ABCB7: variants seen among roughly 807,000 people sequenced by gnomAD.
The protein encoded by ABCB7 is iron-sulfur clusters transporter ABCB7, mitochondrial.
ABCB7 carries 7 observed loss-of-function variants against 54.4 expected under a neutral mutation model. The observed-to-expected ratio is 0.13, with a 90% CI of 0.07 to 0.24. The LOEUF (loss-of-function observed/expected upper bound fraction) is 0.24, where lower values mean the gene tolerates loss of function less well. ABCB7 is among the 10% of genes least tolerant of loss of function. The probability of loss-of-function intolerance (pLI) is 1.00; values close to 1 mark genes in which losing one functional copy is unlikely to be tolerated. For missense variants in ABCB7, 356 were observed against 570.4 expected, an observed-to-expected ratio of 0.62 and a Z score of 3.83; for synonymous variants, 218 against 207.1, an observed-to-expected ratio of 1.05 and a Z score of -0.45.
intron 3 of ABCB7, among the ~76,000 whole-genome samples, chrX:75,106,764 G>A (rs1319182473): frequency 1.8e-5 from 2 of 111,594 alleles, no homozygotes; most frequent in Non-Finnish European, 3.8e-5. Flanking sequence ...ACAGATGAGT[G>A]AATAAAGAAT....
At chrX:75,112,680 T>A (rs2081771239) in intron 3 of ABCB7, among the ~76,000 whole-genome samples, 1 of 111,791 alleles carries the variant, frequency 8.9e-6, no homozygotes, top group African/African-American at 3.2e-5. Context: ...TAAATAACTT[T>A]TCTTTTTTAG....
intron 1 of ABCB7, among the ~76,000 whole-genome samples, chrX:75,126,036 C>T (rs748810131): frequency 9.0e-6 from 1 of 111,513 alleles, no homozygotes; most frequent in South Asian, 3.7e-4. Flanking sequence ...CTTGTTTTCA[C>T]AAAATGCCAG....
chrX:75,126,615 C>A (rs2081931437), intron 1 of ABCB7, among the ~76,000 whole-genome samples: 1 of 110,021 alleles, frequency 9.1e-6, no homozygotes, highest in African/African-American at 3.3e-5. Context: ...TCAATGAATC[C>A]AGGAGCTGGA....
intron 1 of ABCB7, among the ~76,000 whole-genome samples, chrX:75,150,488 G>GA (rs770610332): frequency 9.1e-6 from 1 of 109,305 alleles, no homozygotes; most frequent in Non-Finnish European, 1.9e-5. Flanking sequence ...TGAGCACCAA[G>GA]AAAAAAAATG....
At chrX:75,054,316 C>T (rs2081218527) in intron 15 of ABCB7, among the ~76,000 whole-genome samples, 1 of 111,958 alleles carries the variant, frequency 8.9e-6, no homozygotes, top group African/African-American at 3.2e-5. Context: ...GGTTATACCA[C>T]TATTCCTTGA....
intron 5 of ABCB7, among the ~76,000 whole-genome samples, chrX:75,076,191 T>C (rs191763964): frequency 3.6e-5 from 4 of 112,306 alleles, no homozygotes; most frequent in African/African-American, 1.3e-4. Context: ...TCCTATTTAA[T>C]AGCTAACAAT....
Position 75,156,099 on chromosome X carries a change from T to A in ABCB7, c.168+6A>T. On this transcript the variant is annotated splice_donor_region_variant and intron_variant, in intron 1 of 15. Coordinates refer to ENST00000373394, the MANE Select transcript of ABCB7 (RefSeq NM_001271696.3). ...ACCCTATTCTTCCATGTCAGTGGCATCTCACCTGGTAGGCTCGAGCGGTTC... is the reference window on the plus strand; with the variant it reads ...ACCCTATTCTTCCATGTCAGTGGCAACTCACCTGGTAGGCTCGAGCGGTTC... The A allele has an allele frequency of 1.7e-6, 2 of 1,210,303 alleles. No individual in the cohort carries two copies. Among genetic ancestry groups the A allele is most frequent in the East Asian group, 5.9e-5 (2 of 33,784 alleles).
intron 1 of ABCB7, among the ~76,000 whole-genome samples, chrX:75,145,070 G>T (rs1161294321): frequency 9.1e-6 from 1 of 110,366 alleles, no homozygotes. Context: ...GACCAATAAT[G>T]AGTTCTTTAC....
chrX:75,090,177 C>T (rs1208057421), intron 4 of ABCB7, among the ~76,000 whole-genome samples: 1 of 109,743 alleles, frequency 9.1e-6, no homozygotes, highest in Non-Finnish European at 1.9e-5. Flanking sequence ...CTATAGGATA[C>T]TTCATCCAAC....
At chrX:75,132,308 G>A (rs1425166989) in intron 1 of ABCB7, among the ~76,000 whole-genome samples, 7 of 111,957 alleles carry the variant, frequency 6.3e-5, no homozygotes, top group Non-Finnish European at 1.3e-4. Flanking sequence ...GTGAGCCTCT[G>A]ACCTCCTCTG....
At chrX:75,140,724 G>A (rs996171763) in intron 1 of ABCB7, among the ~76,000 whole-genome samples, 2 of 111,313 alleles carry the variant, frequency 1.8e-5, no homozygotes, top group Non-Finnish European at 3.8e-5. Flanking sequence ...GGCTAGGACA[G>A]GATTGGGAGT....
intron 1 of ABCB7, among the ~76,000 whole-genome samples, chrX:75,149,901 G>T (rs929189009): frequency 9.0e-6 from 1 of 111,453 alleles, no homozygotes; most frequent in African/African-American, 3.3e-5. Flanking sequence ...AAAAGCACAT[G>T]GTCCAAGGAA....
At chrX:75,072,691 T>C (rs2081372881) in intron 8 of ABCB7, among the ~76,000 whole-genome samples, 2 of 111,456 alleles carry the variant, frequency 1.8e-5, no homozygotes, top group Admixed American at 1.9e-4. Flanking sequence ...GGCATTACCG[T>C]ACACTACTGT....
At chrX:75,136,657 T>TA (rs1368008851) in intron 1 of ABCB7, among the ~76,000 whole-genome samples, 1 of 111,145 alleles carries the variant, frequency 9.0e-6, no homozygotes, top group East Asian at 2.8e-4. Flanking sequence ...CTATAGTAAC[T>TA]AAAAAAGCAT....
At chrX:75,149,998 T>G (rs752526768) in intron 1 of ABCB7, among the ~76,000 whole-genome samples, 1 of 111,460 alleles carries the variant, frequency 9.0e-6, no homozygotes, top group Admixed American at 9.6e-5. Flanking sequence ...TAGGTGGAAA[T>G]TTTTAAGGCT....
At position 75,075,810 on chromosome X, in the gene ABCB7, C is replaced by T. The variant is rs5981761; in HGVS notation, c.587-180G>A. 0.11 allele frequency among the ~76,000 whole-genome samples: 12,403 copies of T among 111,281 alleles called. 1,693 individuals are homozygous for T. Among genetic ancestry groups the T allele is most frequent in the African/African-American group, 0.39 (11,762 of 30,480 alleles). ...CTAGCCTAATGAGTATTAACTTTTC[C>T]ACCACTATGAATCCCTTCAGTGTTA... On this transcript the variant is annotated intron_variant, in intron 5 of 15. Transcript: ENST00000373394.
intron 3 of ABCB7, among the ~76,000 whole-genome samples, chrX:75,102,189 G>A (rs1294836578): frequency 2.7e-5 from 3 of 110,575 alleles, no homozygotes; most frequent in Non-Finnish European, 5.7e-5. Flanking sequence ...TATGGGTTGG[G>A]AACATTTCAA....
rs199780462 is a variant in ABCB7 at position 75,104,522 on chromosome X, CAAT to C, written c.334-5464_334-5462del. On this transcript the variant is annotated intron_variant, in intron 3 of 15. Coordinates refer to ENST00000373394, the MANE Select transcript of ABCB7 (RefSeq NM_001271696.3). ...AAAACAGAAATACAGAACCCACCAA[CAAT>C]GAGTTCCAAAATTGAATCAGTAATA... Among the ~76,000 whole-genome samples, 172 of 110,501 alleles carry C rather than the reference CAAT, an allele frequency of 1.6e-3. No individual in the cohort carries two copies. In the East Asian group the frequency reaches 0.036, roughly 23 times the overall value.
intron 15 of ABCB7, among the ~76,000 whole-genome samples, chrX:75,055,614 A>G (rs1434960409): frequency 9.5e-6 from 1 of 105,478 alleles, no homozygotes; most frequent in Non-Finnish European, 1.9e-5. Flanking sequence ...CTGAACAGTG[A>G]TACGATATTC....
Sources: gnomAD v4.1 joint callset for allele counts (sites outside exome capture counted in the v4.1 genomes callset) on GRCh38, gnomAD v4.1.1 for gene constraint, MANE v1.5 for transcripts, NCBI Gene and HGNC (gene_info 2026-07-23, HGNC 2026-07-21) for gene names.